The following CCDC39 variants were observed in gnomAD, a reference collection of about 807,000 sequenced individuals.
CCDC39 encodes the protein coiled-coil domain-containing protein 39.
Under a neutral mutation model 121.0 loss-of-function variants are expected in CCDC39, and 113 were observed. That is an observed-to-expected ratio of 0.93 (90% CI 0.80 to 1.09). The LOEUF is 1.09. Ranked by LOEUF, CCDC39 falls within the 50% of genes least tolerant of loss-of-function variation. The probability of loss-of-function intolerance (pLI) is 0.00; values close to 1 mark genes in which losing one functional copy is unlikely to be tolerated. For missense variants in CCDC39, 1,063 were observed against 1,074.7 expected (o/e 0.99, Z 0.15); for synonymous variants, 349 against 352.2 (o/e 0.99, Z 0.10).
intron 13 of CCDC39, among the ~76,000 whole-genome samples, chr3:180,640,206 C>A (rs1341984277): frequency 3.3e-5 from 5 of 151,956 alleles, no homozygotes; most frequent in Admixed American, 1.3e-4. Flanking sequence ...TAAATATGTG[C>A]AACTTATGTA....
chr3:180,623,161 G>C (rs1717471763), intron 14 of CCDC39, among the ~76,000 whole-genome samples: 1 of 149,650 alleles, frequency 6.7e-6, no homozygotes, highest in African/African-American at 2.4e-5. Context: ...CGGGATTTTT[G>C]TTTCTTCCTG....
At chr3:180,660,784 A>G (rs1711724496) in intron 3 of CCDC39, 56 bp from the exon 4 acceptor site, 13 of 1,498,736 alleles carry the variant, frequency 8.7e-6, no homozygotes, top group Non-Finnish European at 1.1e-5. Context: ...CTTACTATAC[A>G]GACTAAAATA....
intron 13 of CCDC39, among the ~76,000 whole-genome samples, chr3:180,631,793 TCAAA>T (rs1717704282): frequency 6.6e-6 from 1 of 152,200 alleles, no homozygotes; most frequent in African/African-American, 2.4e-5. Flanking sequence ...ACTACTAAAC[TCAAA>T]CAGATTAAAT....
chr3:180,617,722 G>C (rs537615585), intron 16 of CCDC39: 3 of 382,742 alleles, frequency 7.8e-6, no homozygotes, highest in Non-Finnish European at 1.4e-5. Context: ...CATCACAAAA[G>C]AGTAAAAAAA....
intron 13 of CCDC39, among the ~76,000 whole-genome samples, chr3:180,635,947 A>T (rs1012488415): frequency 6.6e-6 from 1 of 152,206 alleles, no homozygotes; most frequent in African/African-American, 2.4e-5. Context: ...CGTTGAAGGA[A>T]CATACCTCAA....
chr3:180,677,168 T>TTATATATA (rs58408770), intron 1 of CCDC39, among the ~76,000 whole-genome samples: 1,135 of 34,948 alleles, frequency 0.032, 97 homozygotes, highest in Non-Finnish European at 0.038. Context: ...AATAATAATT[T>TTATATATA]TATATATATA....
chr3:180,670,464 G>C (rs2108434115), intron 1 of CCDC39, among the ~76,000 whole-genome samples: 1 of 151,998 alleles, frequency 6.6e-6, no homozygotes, highest in Middle Eastern at 3.4e-3. Context: ...CAAGTAAAAT[G>C]GTCCTAAAAA....
chr3:180,649,406 C>A (rs370281712), intron 9 of CCDC39, among the ~76,000 whole-genome samples: 1 of 152,026 alleles, frequency 6.6e-6, no homozygotes, highest in East Asian at 1.9e-4. Flanking sequence ...GATCTTATAC[C>A]CAAATAAGTA....
At chr3:180,641,722 G>A (rs1336231154) in intron 13 of CCDC39, among the ~76,000 whole-genome samples, 9 of 152,000 alleles carry the variant, frequency 5.9e-5, no homozygotes, top group South Asian at 2.1e-4. Context: ...TTAAAAAGAC[G>A]TGTTATTGGA....
chr3:180,647,608 G>A (rs1718103496), intron 10 of CCDC39, among the ~76,000 whole-genome samples: 1 of 151,998 alleles, frequency 6.6e-6, no homozygotes, highest in African/African-American at 2.4e-5. Flanking sequence ...CTAATTGTTA[G>A]CCATGAAAGG....
At chr3:180,648,974 T>C (rs1002957646) in intron 9 of CCDC39, among the ~76,000 whole-genome samples, 1 of 152,130 alleles carries the variant, frequency 6.6e-6, no homozygotes, top group Non-Finnish European at 1.5e-5. Flanking sequence ...AAAACAGACA[T>C]AGGTAACCTT....
intron 14 of CCDC39, among the ~76,000 whole-genome samples, chr3:180,624,019 T>A (rs552882432): frequency 9.9e-5 from 15 of 152,252 alleles, no homozygotes; most frequent in African/African-American, 2.9e-4. Flanking sequence ...CCTAGTGCTG[T>A]CAGTGGGGTG....
At chr3:180,668,120 G>A (rs931858964) in intron 1 of CCDC39, among the ~76,000 whole-genome samples, 1 of 152,180 alleles carries the variant, frequency 6.6e-6, no homozygotes, top group African/African-American at 2.4e-5. Flanking sequence ...GCTCATGCCT[G>A]TAATCCCAAT....
intron 1 of CCDC39, among the ~76,000 whole-genome samples, chr3:180,675,460 T>A (rs900452370): frequency 6.6e-6 from 1 of 152,240 alleles, no homozygotes; most frequent in Middle Eastern, 3.4e-3. Flanking sequence ...TTTTGAAGGG[T>A]TTTTTGTGTC....
At position 180,644,123 on chromosome 3, in the gene CCDC39, C is replaced by A. The variant is rs1169701504; in HGVS notation, c.1662G>T (p.Lys554Asn). 3 of 1,541,690 alleles carry A rather than the reference C, an allele frequency of 1.9e-6. No homozygotes were observed. The highest frequency in any genetic ancestry group is 2.6e-6 in the Non-Finnish European group (3 of 1,143,418). Residue 554 changes from lysine (K) to asparagine (N), a missense_variant, in exon 12 of 20, where the codon AAG becomes AAT. Transcript: ENST00000476379. Reference protein sequence around the residue: ...EKELDKAKGFKQDLMIEDNLL... With the variant: ...EKELDKAKGFNQDLMIEDNLL... ...TATGCATACAATTTTACTGCACCTG[C>A]TTAAAACCTTTGGCTTTATCAAGTT... is the stretch of plus-strand genomic sequence containing the variant.
chr3:180,652,292 T>C, intron 7 of CCDC39, 26 bp from the exon 8 acceptor site: 1 of 1,285,394 alleles, frequency 7.8e-7, no homozygotes, highest in Non-Finnish European at 1.1e-6. Context: ...CAGACAGAAA[T>C]TATATATTTA....
At chr3:180,654,495 T>A (rs894386113) in intron 7 of CCDC39, among the ~76,000 whole-genome samples, 5 of 151,122 alleles carry the variant, frequency 3.3e-5, no homozygotes, top group Non-Finnish European at 7.4e-5. Flanking sequence ...ACCAACAAAA[T>A]GAAAAGGTAA....
chr3:180,648,264 T>G lies in CCDC39; in HGVS notation c.1263A>C (p.Ser421=). ...TETMKEKAVL[S]EIEGTRSSLK... ...GAGAGGAACGAGTTCCTTCAATTTC[T>G]GATAAAACAGCTTTTTCTTTCATTG... is the stretch of plus-strand genomic sequence containing the variant. The change falls in exon 10 of 20, where the codon TCA becomes TCC. Residue 421 remains serine, a synonymous_variant. Transcript: ENST00000476379. 1 of 1,613,456 alleles carries G rather than the reference T, an allele frequency of 6.2e-7. No individual in the cohort carries two copies. The highest frequency in any genetic ancestry group is 8.5e-7 in the Non-Finnish European group (1 of 1,179,602).
chr3:180,621,052 A>G (rs1178253825), intron 14 of CCDC39, among the ~76,000 whole-genome samples: 1 of 152,080 alleles, frequency 6.6e-6, no homozygotes, highest in Non-Finnish European at 1.5e-5. Flanking sequence ...TTCTCTTAAG[A>G]TAAGGGCCTC....
Sources: allele counts gnomAD v4.1 joint callset (sites outside exome capture counted in the v4.1 genomes callset), GRCh38; gene constraint gnomAD v4.1.1; transcripts MANE v1.5; gene names NCBI Gene and HGNC (gene_info 2026-07-23, HGNC 2026-07-21).